The following RIMS2 variants were observed in gnomAD, a reference collection of about 807,000 sequenced individuals.
The protein encoded by RIMS2 is regulating synaptic membrane exocytosis protein 2.
A neutral mutation model predicts 174.4 loss-of-function variants in RIMS2; 59 were observed. The ratio of observed to expected loss-of-function variants is 0.34; its 90% CI spans 0.27 to 0.42. RIMS2 has a LOEUF of 0.42. Ranked by LOEUF, RIMS2 falls within the 10% of genes least tolerant of loss-of-function variation. RIMS2 has a pLI of 1.00. For synonymous variants in RIMS2, 606 were observed against 572.5 expected (o/e 1.06, Z -0.84); for missense variants, 1,620 against 1,666.3 (o/e 0.97, Z 0.48).
At chr8:103,663,962 G>C (rs1254333657) in intron 1 of RIMS2, among the ~76,000 whole-genome samples, 1 of 152,148 alleles carries the variant, frequency 6.6e-6, no homozygotes. Context: ...CCAAAGAGAG[G>C]CCTCAGAAAT....
intron 2 of RIMS2, among the ~76,000 whole-genome samples, chr8:103,727,234 A>G (rs953797682): frequency 3.3e-5 from 5 of 152,092 alleles, no homozygotes; most frequent in Non-Finnish European, 7.4e-5. Context: ...TGAAAATAAT[A>G]ATAGTTTACC....
At chr8:104,028,866 A>G (rs1490084214) in intron 19 of RIMS2, among the ~76,000 whole-genome samples, 1 of 152,242 alleles carries the variant, frequency 6.6e-6, no homozygotes, top group Admixed American at 6.5e-5. Context: ...ATTCAAGGCA[A>G]GTCCACAAAG....
intron 19 of RIMS2, among the ~76,000 whole-genome samples, chr8:104,173,090 C>T (rs997529027): frequency 5.9e-5 from 9 of 152,170 alleles, no homozygotes; most frequent in African/African-American, 2.2e-4. Context: ...TTACAATTTT[C>T]CTGCTTACTA....
At chr8:103,607,700 C>G (rs1268882166) in intron 1 of RIMS2, among the ~76,000 whole-genome samples, 2 of 136,084 alleles carry the variant, frequency 1.5e-5, no homozygotes, top group Non-Finnish European at 3.2e-5. Flanking sequence ...TTGCTCATTT[C>G]TTTTTATTCT....
At chr8:103,885,202 A>G in intron 3 of RIMS2, 96 bp from the exon 7 acceptor site, 2 of 1,436,118 alleles carry the variant, frequency 1.4e-6, no homozygotes, top group South Asian at 3.1e-5. Context: ...AGGCAAAAGG[A>G]CTACTTAGTT....
intron 13 of RIMS2, among the ~76,000 whole-genome samples, chr8:103,941,803 C>T (rs1199808411): frequency 6.6e-6 from 1 of 152,070 alleles, no homozygotes; most frequent in Non-Finnish European, 1.5e-5. Context: ...ATAAGACAGG[C>T]TGATTCAGTT....
chr8:103,738,484 C>T (rs10100545), intron 2 of RIMS2, among the ~76,000 whole-genome samples: 123,494 of 152,104 alleles, frequency 0.81, 50,618 homozygotes, highest in African/African-American at 0.92. Context: ...AAGGACTTCA[C>T]GTCTAAAACA....
chr8:103,967,182 T>G (rs1428503777), intron 15 of RIMS2, among the ~76,000 whole-genome samples: 2 of 127,644 alleles, frequency 1.6e-5, no homozygotes, highest in African/African-American at 6.4e-5. Context: ...TTTTTTTTTT[T>G]TTTTTTTTTT....
At chr8:103,959,074 C>A (rs369622695) in intron 14 of RIMS2, among the ~76,000 whole-genome samples, 10 of 152,290 alleles carry the variant, frequency 6.6e-5, no homozygotes, top group African/African-American at 2.4e-4. Context: ...GAAGCAACTG[C>A]AACTGATGTC....
intron 1 of RIMS2, among the ~76,000 whole-genome samples, chr8:103,580,973 G>A (rs2093582991): frequency 6.6e-6 from 1 of 151,792 alleles, no homozygotes; most frequent in African/African-American, 2.4e-5. Context: ...GGGACTACAG[G>A]CGCCCGCCAC....
intron 1 of RIMS2, among the ~76,000 whole-genome samples, chr8:103,615,757 A>T (rs561794138): frequency 6.6e-6 from 1 of 152,336 alleles, no homozygotes; most frequent in South Asian, 2.1e-4. Context: ...TATGCACACG[A>T]ACTAGAACGC....
chr8:103,863,913 T>G (rs2099072102), intron 3 of RIMS2, among the ~76,000 whole-genome samples: 1 of 150,320 alleles, frequency 6.7e-6, no homozygotes, highest in African/African-American at 2.4e-5. Context: ...TTTTTGTTTG[T>G]TTGTTTGTTT....
At chr8:103,540,778 GC>G (rs1317165916) in intron 1 of RIMS2, among the ~76,000 whole-genome samples, 1 of 152,014 alleles carries the variant, frequency 6.6e-6, no homozygotes, top group Non-Finnish European at 1.5e-5. Flanking sequence ...CAAGAAAACA[GC>G]AAATGAACAA....
At chr8:103,830,092 CTT>C (rs1308191273) in intron 3 of RIMS2, among the ~76,000 whole-genome samples, 2 of 151,918 alleles carry the variant, frequency 1.3e-5, no homozygotes, top group Non-Finnish European at 2.9e-5. Context: ...AGTGATGACT[CTT>C]ATTTTATTCT....
chr8:104,128,172 G>T lies in RIMS2; in HGVS notation c.3334+113557G>T, dbSNP rs551352671. On this transcript the variant is annotated intron_variant, in intron 19 of 23. Transcript: ENST00000504942. The stretch of plus-strand genomic sequence containing the variant: ...TAATTTTAGAAGTGGGAATGATCTG[G>T]CACTAAATTTAAATTCTTCCCAGTC... Among the ~76,000 whole-genome samples, 7 of 152,220 alleles carry T rather than the reference G, an allele frequency of 4.6e-5. No individual in the cohort carries two copies. In the South Asian group the frequency reaches 1.2e-3, roughly 27 times the overall value.
chr8:104,186,400 A>G (rs2098968173), intron 19 of RIMS2, among the ~76,000 whole-genome samples: 1 of 151,826 alleles, frequency 6.6e-6, no homozygotes, highest in African/African-American at 2.4e-5. Context: ...TGAATGATGT[A>G]ATAAACATCT....
intron 19 of RIMS2, among the ~76,000 whole-genome samples, chr8:104,064,000 C>T (rs1385913322): frequency 6.6e-6 from 1 of 152,064 alleles, no homozygotes; most frequent in South Asian, 2.1e-4. Flanking sequence ...GTAGTACATG[C>T]GTGTAGTAAA....
At chr8:103,609,089 C>T (rs919818017) in intron 1 of RIMS2, among the ~76,000 whole-genome samples, 7 of 152,142 alleles carry the variant, frequency 4.6e-5, no homozygotes, top group African/African-American at 1.4e-4. Context: ...TTTTGATTTG[C>T]GTTTTTCTAA....
chr8:103,544,690 G>A (rs1037102810), intron 1 of RIMS2, among the ~76,000 whole-genome samples: 3 of 151,396 alleles, frequency 2.0e-5, no homozygotes, highest in African/African-American at 7.2e-5. Context: ...GATATGGCTT[G>A]TCTGCCAACT....
Sources: allele counts gnomAD v4.1 joint callset (sites outside exome capture counted in the v4.1 genomes callset), GRCh38; gene constraint gnomAD v4.1.1; transcripts MANE v1.5; gene names NCBI Gene and HGNC (gene_info 2026-07-23, HGNC 2026-07-21).